Variants in CABIN1 observed in about 807,000 individuals in gnomAD.
CABIN1 encodes the protein calcineurin binding protein 1.
In CABIN1, 133 loss-of-function variants were observed where a neutral mutation model predicts 227.7. The observed-to-expected ratio is 0.58, with a 90% CI of 0.51 to 0.67. CABIN1 has a LOEUF of 0.67. Ranked by LOEUF, CABIN1 falls within the 30% of genes least tolerant of loss-of-function variation. The pLI is 0.00. For synonymous variants in CABIN1, 1,086 were observed against 1,155.1 expected (o/e 0.94, Z 1.21); for missense variants, 2,408 against 2,852.5 (o/e 0.84, Z 3.55).
At chr22:24,085,745 G>C (rs1023142851) in intron 22 of CABIN1, among the ~76,000 whole-genome samples, 2 of 152,172 alleles carry the variant, frequency 1.3e-5, no homozygotes, top group Admixed American at 6.5e-5. Context: ...GCCTCTCAAG[G>C]GGCCTTCTAC....
chr22:24,052,888 C>T (rs1209518617), intron 8 of CABIN1, among the ~76,000 whole-genome samples: 1 of 151,882 alleles, frequency 6.6e-6, no homozygotes, highest in Non-Finnish European at 1.5e-5. Context: ...AAGAGCAAGG[C>T]ACGAGTAAGG....
Position 24,171,852 on chromosome 22 carries a change from C to T in CABIN1, c.5897C>T (p.Pro1966Leu), listed in dbSNP as rs1264715574. Residue 1966 changes from proline to leucine, a missense_variant, in exon 34 of 37, where the codon CCT becomes CTT. Physicochemically the swap from Pro to Leu is moderately conservative, Grantham distance 98 (BLOSUM62 -3). This residue lies in a region of CABIN1 where 714 missense variants were observed against 773.8 expected (regional missense o/e 0.92). Coordinates refer to ENST00000263119, the MANE Select transcript of CABIN1 (RefSeq NM_012295.4). ...CGGCCCAGTGATGCTCACACCAAGC[C>T]TCGCCCTGCACTAGCTGCCGCCACA... ...VQRPSDAHTK[P>L]RPALAAATTI... 1 of 1,614,148 alleles carries T rather than the reference C, an allele frequency of 6.2e-7. No homozygotes were observed. Among genetic ancestry groups the T allele is most frequent in the South Asian group, 1.1e-5 (1 of 91,088 alleles).
chr22:24,049,526 C>T lies in CABIN1; in HGVS notation c.656+306C>T, dbSNP rs2038159820. Among the ~76,000 whole-genome samples, 3 of 152,220 alleles carry T rather than the reference C, an allele frequency of 2.0e-5. 1 individual carries two copies. On this transcript the variant is annotated intron_variant, in intron 7 of 36. Coordinates refer to ENST00000263119, the MANE Select transcript of CABIN1 (RefSeq NM_012295.4). ...TGGGGCAGCCTGCTGCCCAGCTTGCCTCCTGCCTTTCCCCTTCCCAGGGTT... is the reference window on the plus strand; with the variant it reads ...TGGGGCAGCCTGCTGCCCAGCTTGCTTCCTGCCTTTCCCCTTCCCAGGGTT...
intron 26 of CABIN1, chr22:24,103,473 G>C (rs956768610): frequency 6.6e-6 from 1 of 152,260 alleles, no homozygotes; most frequent in Non-Finnish European, 1.5e-5. Flanking sequence ...AGGCTATGTA[G>C]GACGGGGAGC....
At chr22:24,076,344 G>A (rs2040442705) in intron 19 of CABIN1, 60 bp downstream of exon 19, 1 of 1,349,456 alleles carries the variant, frequency 7.4e-7, no homozygotes, top group Admixed American at 1.7e-5. Flanking sequence ...GGTGGGAGGT[G>A]GAATGGGAAG....
At chr22:24,153,653 C>T (rs2045619326) in intron 29 of CABIN1, among the ~76,000 whole-genome samples, 1 of 152,168 alleles carries the variant, frequency 6.6e-6, no homozygotes, top group African/African-American at 2.4e-5. Flanking sequence ...ACCTGTCAGA[C>T]ATGGCAGTAT....
chr22:24,140,168 A>G (rs1048601473), intron 29 of CABIN1, among the ~76,000 whole-genome samples: 4 of 152,170 alleles, frequency 2.6e-5, no homozygotes, highest in Admixed American at 2.0e-4. Context: ...GGACCAGAGA[A>G]TGGGATGGGT....
chr22:24,093,008 G>C (rs2041651652), intron 24 of CABIN1, among the ~76,000 whole-genome samples: 1 of 152,110 alleles, frequency 6.6e-6, no homozygotes, highest in African/African-American at 2.4e-5. Context: ...TGATAGGTTT[G>C]GTTTCCTCTC....
chr22:24,177,551 G>T lies in CABIN1; in HGVS notation c.6253G>T (p.Ala2085Ser). ...GAGAAGGGATGGGGAGGCTCAGGAG[G>T]CTGCGAGTGAGACTCAGCCCCTGAG... Reference protein sequence around the residue: ...EPRRDGEAQEAASETQPLSSP... With the variant: ...EPRRDGEAQESASETQPLSSP... The change falls in exon 36 of 37, where the codon GCT becomes TCT. Residue 2085 changes from alanine (A) to serine (S), a missense_variant. Around this residue, in one of 3 missense-constraint regions of CABIN1, gnomAD observed 714 missense variants for 773.8 expected, o/e 0.92. Coordinates refer to ENST00000263119, the MANE Select transcript of CABIN1 (RefSeq NM_012295.4). The surrounding 1 kb of genome is among the most constrained non-coding windows in gnomAD (Gnocchi z 4.4). The T allele has an allele frequency of 6.3e-7, 1 of 1,576,700 alleles. No individual in the cohort carries two copies.
intron 29 of CABIN1, among the ~76,000 whole-genome samples, chr22:24,149,606 AAT>A (rs2045363455): frequency 6.6e-6 from 1 of 152,236 alleles, no homozygotes; most frequent in Admixed American, 6.5e-5. Context: ...CTGATCTCTA[AAT>A]ATGAGTAAAT....
intron 10 of CABIN1, chr22:24,056,661 C>T: frequency 2.6e-6 from 1 of 381,080 alleles, no homozygotes; most frequent in South Asian, 2.9e-5. Context: ...TGCTGGGAGG[C>T]AGAGGGGTGC....
intron 30 of CABIN1, 138 bp downstream of exon 30, chr22:24,164,701 TGGG>T: frequency 9.7e-7 from 1 of 1,030,792 alleles, no homozygotes; most frequent in Non-Finnish European, 1.5e-6. Flanking sequence ...TCATTCTCCT[TGGG>T]GGCCTCTCTG....
At chr22:24,060,206 C>A in intron 12 of CABIN1, 65 bp downstream of exon 12, 1 of 1,445,280 alleles carries the variant, frequency 6.9e-7, no homozygotes, top group Non-Finnish European at 9.6e-7. Flanking sequence ...AGGGATCTTG[C>A]ATGGGTGTGG....
At chr22:24,148,200 A>C (rs980071443) in intron 29 of CABIN1, among the ~76,000 whole-genome samples, 1 of 151,842 alleles carries the variant, frequency 6.6e-6, no homozygotes, top group Admixed American at 6.6e-5. Flanking sequence ...TGGAAGTCCA[A>C]GCAAGGGGCC....
chr22:24,157,413 G>A (rs1022524943), intron 29 of CABIN1, among the ~76,000 whole-genome samples: 5 of 152,180 alleles, frequency 3.3e-5, no homozygotes, highest in African/African-American at 1.2e-4. Flanking sequence ...CTGCCCAGCC[G>A]GCCTGGCTCT....
At chr22:24,147,463 TGA>T (rs1018630923) in intron 29 of CABIN1, among the ~76,000 whole-genome samples, 3 of 150,620 alleles carry the variant, frequency 2.0e-5, no homozygotes, top group Non-Finnish European at 3.0e-5. Context: ...CTTTTTTTTT[TGA>T]GACAGGGCTT....
At chr22:24,052,421 C>T (rs374546036) in intron 8 of CABIN1, among the ~76,000 whole-genome samples, 36 of 151,608 alleles carry the variant, frequency 2.4e-4, no homozygotes, top group African/African-American at 7.5e-4. Context: ...ACATACTAGC[C>T]TTTGTGGGCC....
At position 24,083,347 on chromosome 22, in the gene CABIN1, GA is replaced by G; in HGVS notation, c.2870del (p.Lys957ArgfsTer53). The part of the protein sequence containing the change: ...FYCLYSFPSK[K>X]SKARYLEEHS... The stretch of plus-strand genomic sequence containing the variant: ...ACTGCCTGTACAGCTTCCCCAGCAA[GA>G]AGAGTAAGGCCAGGTACCTGGAGGA... On this transcript the variant is annotated frameshift_variant, in exon 20 of 37. Coordinates refer to ENST00000263119, the MANE Select transcript of CABIN1 (RefSeq NM_012295.4). LOFTEE classifies it high-confidence loss of function. The G allele has an allele frequency of 6.2e-7, 1 of 1,613,996 alleles. No individual in the cohort carries two copies. The highest frequency in any genetic ancestry group is 8.5e-7 in the Non-Finnish European group (1 of 1,180,034).
At chr22:24,150,931 T>G (rs16986418) in intron 29 of CABIN1, among the ~76,000 whole-genome samples, 3,236 of 152,222 alleles carry the variant, frequency 0.021, 143 homozygotes, top group African/African-American at 0.073. Flanking sequence ...TTGGGTCAAG[T>G]CTTTCTGGTC....
Sources: gnomAD v4.1 joint callset for allele counts (sites outside exome capture counted in the v4.1 genomes callset) on GRCh38, gnomAD v4.1.1 for gene constraint, gnomAD v4.1.1 regional missense constraint, Gnocchi (gnomAD v3.1) non-coding constraint, MANE v1.5 for transcripts, NCBI Gene and HGNC (gene_info 2026-07-23, HGNC 2026-07-21) for gene names.